Variants in ROBO2 observed in about 807,000 individuals in gnomAD.
ROBO2 encodes the protein roundabout homolog 2.
ROBO2 carries 53 observed loss-of-function variants against 160.8 expected under a neutral mutation model. The observed-to-expected ratio is 0.33, with a 90% confidence interval of 0.26 to 0.41. ROBO2 has a LOEUF of 0.41. Ranked by LOEUF, ROBO2 falls within the 10% of genes least tolerant of loss-of-function variation. ROBO2 has a pLI of 1.00. For synonymous variants in ROBO2, 664 were observed against 611.7 expected, an observed-to-expected ratio of 1.09 and a Z score of -1.26; for missense variants, 1,577 against 1,722.4, an observed-to-expected ratio of 0.92 and a Z score of 1.49.
At chr3:76,563,801 A>G (rs981141238) in intron 2 of ROBO2, among the ~76,000 whole-genome samples, 3 of 152,212 alleles carry the variant, frequency 2.0e-5, no homozygotes, top group African/African-American at 7.2e-5. Context: ...TGTCTACACG[A>G]TTACTTTACC....
intron 2 of ROBO2, among the ~76,000 whole-genome samples, chr3:76,117,007 C>A (rs182094193): frequency 6.6e-6 from 1 of 152,130 alleles, no homozygotes; most frequent in African/African-American, 2.4e-5. Flanking sequence ...TATGAGCTAA[C>A]GAATCACTTT....
At chr3:76,826,743 T>C (rs1228553114) in intron 2 of ROBO2, among the ~76,000 whole-genome samples, 1 of 152,186 alleles carries the variant, frequency 6.6e-6, no homozygotes, top group Non-Finnish European at 1.5e-5. Context: ...AGAAAACTAT[T>C]GATTTTGTGC....
chr3:76,476,776 C>A (rs145986604), intron 2 of ROBO2, among the ~76,000 whole-genome samples: 1 of 152,034 alleles, frequency 6.6e-6, no homozygotes, highest in African/African-American at 2.4e-5. Flanking sequence ...CAAACAGCCA[C>A]GTTCCCATGG....
intron 20 of ROBO2, among the ~76,000 whole-genome samples, chr3:77,605,562 A>T (rs915539832): frequency 6.6e-6 from 1 of 152,192 alleles, no homozygotes; most frequent in African/African-American, 2.4e-5. Context: ...TTCTTCTATG[A>T]ATCACCCGTT....
chr3:76,206,539 T>G (rs1412417009), intron 2 of ROBO2, among the ~76,000 whole-genome samples: 1 of 151,854 alleles, frequency 6.6e-6, no homozygotes, highest in Admixed American at 6.6e-5. Context: ...GAGTGCCTCC[T>G]TCACCACTGC....
chr3:76,897,197 A>G (rs2074855455), intron 2 of ROBO2, among the ~76,000 whole-genome samples: 1 of 152,144 alleles, frequency 6.6e-6, no homozygotes, highest in Non-Finnish European at 1.5e-5. Flanking sequence ...TTGAAACAGG[A>G]TTGAAATTTA....
At chr3:77,528,756 T>A (rs2091401075) in intron 6 of ROBO2, among the ~76,000 whole-genome samples, 1 of 151,634 alleles carries the variant, frequency 6.6e-6, no homozygotes, top group Admixed American at 6.6e-5. Flanking sequence ...CATTTCAATA[T>A]TTTTTAAATA....
At chr3:77,341,941 A>C (rs1227847090) in intron 2 of ROBO2, among the ~76,000 whole-genome samples, 1 of 152,144 alleles carries the variant, frequency 6.6e-6, no homozygotes, top group Non-Finnish European at 1.5e-5. Flanking sequence ...GAAATAAAAG[A>C]GAACAAAGAA....
chr3:77,359,234 C>G (rs574418019), intron 2 of ROBO2, among the ~76,000 whole-genome samples: 1 of 152,318 alleles, frequency 6.6e-6, no homozygotes, highest in Middle Eastern at 3.4e-3. Context: ...CTGGGAAAAT[C>G]TGCCTAGGCA....
chr3:76,029,640 G>A (rs2066855046), intron 2 of ROBO2, among the ~76,000 whole-genome samples: 1 of 152,138 alleles, frequency 6.6e-6, no homozygotes, highest in Non-Finnish European at 1.5e-5. Context: ...CTTTGTGACA[G>A]TTTGCTCAGA....
intron 2 of ROBO2, among the ~76,000 whole-genome samples, chr3:77,438,533 AG>A (rs1381183052): frequency 6.9e-6 from 1 of 144,402 alleles, no homozygotes; most frequent in East Asian, 2.0e-4. Context: ...ATTGAAGAGA[AG>A]GGGATACACA....
At chr3:77,449,512 T>C (rs1233654617) in intron 2 of ROBO2, among the ~76,000 whole-genome samples, 1 of 151,980 alleles carries the variant, frequency 6.6e-6, no homozygotes, top group Admixed American at 6.6e-5. Flanking sequence ...TTGAGTTTCA[T>C]TCAAAAAAGG....
At chr3:76,024,839 CT>C (rs1322577012) in intron 2 of ROBO2, among the ~76,000 whole-genome samples, 1 of 151,350 alleles carries the variant, frequency 6.6e-6, no homozygotes, top group Non-Finnish European at 1.5e-5. Context: ...GATATGACCA[CT>C]TGATGGAACT....
At chr3:76,388,303 G>A (rs553560744) in intron 2 of ROBO2, among the ~76,000 whole-genome samples, 1 of 148,032 alleles carries the variant, frequency 6.8e-6, no homozygotes, top group African/African-American at 2.5e-5. Flanking sequence ...ACGGAGTCTT[G>A]CTCTGTCGCC....
intron 2 of ROBO2, among the ~76,000 whole-genome samples, chr3:76,023,040 T>TA (rs1455308118): frequency 1.3e-5 from 2 of 151,826 alleles, no homozygotes; most frequent in African/African-American, 4.8e-5. Context: ...CACTTTTTTT[T>TA]ATTTTGGAGA....
chr3:77,139,845 G>C (rs1288115066), intron 2 of ROBO2, among the ~76,000 whole-genome samples: 1 of 152,092 alleles, frequency 6.6e-6, no homozygotes, highest in Non-Finnish European at 1.5e-5. Context: ...TATGGGCAAA[G>C]GTCAATCATT....
At chr3:77,645,427 A>T (rs1287181291) in intron 25 of ROBO2, among the ~76,000 whole-genome samples, 1 of 152,208 alleles carries the variant, frequency 6.6e-6, no homozygotes. Flanking sequence ...AAACTGGCAT[A>T]GGTAGTTAGT....
At chr3:76,048,963 G>A (rs1045279372) in intron 2 of ROBO2, among the ~76,000 whole-genome samples, 5 of 152,080 alleles carry the variant, frequency 3.3e-5, no homozygotes, top group Non-Finnish European at 7.4e-5. Context: ...CTTGAATAAG[G>A]TTCAAAGCAT....
chr3:77,319,293 A>T (rs1044728247), intron 2 of ROBO2, among the ~76,000 whole-genome samples: 16 of 152,218 alleles, frequency 1.1e-4, no homozygotes, highest in African/African-American at 3.9e-4. Context: ...TCATTCTTTT[A>T]CATCCTGTAT....
Sources: allele counts gnomAD v4.1 joint callset (sites outside exome capture counted in the v4.1 genomes callset), GRCh38; gene constraint gnomAD v4.1.1; transcripts MANE v1.5; gene names NCBI Gene and HGNC (gene_info 2026-07-23, HGNC 2026-07-21).